Variants in FRY observed in about 807,000 individuals in gnomAD.
FRY encodes FRY microtubule binding protein.
FRY carries 128 observed loss-of-function variants against 348.4 expected under a neutral mutation model. The observed-to-expected ratio is 0.37, with a 90% CI of 0.32 to 0.43. The LOEUF (loss-of-function observed/expected upper bound fraction) is 0.43, where lower values mean the gene tolerates loss of function less well. Among genes scored for constraint, FRY ranks in the 20% least tolerant of loss-of-function variants. The probability of loss-of-function intolerance (pLI) is 1.00; values close to 1 mark genes in which losing one functional copy is unlikely to be tolerated. For synonymous variants in FRY, 1,370 were observed against 1,374.7 expected, an observed-to-expected ratio of 1.00 and a Z score of 0.08; for missense variants, 2,736 against 3,695.2, an observed-to-expected ratio of 0.74 and a Z score of 6.73.
intron 1 of FRY, among the ~76,000 whole-genome samples, chr13:32,053,291 T>C (rs1341808898): frequency 6.6e-6 from 1 of 152,136 alleles, no homozygotes; most frequent in East Asian, 1.9e-4. Flanking sequence ...ATGACATTCT[T>C]AGACTGGATT....
intron 13 of FRY, among the ~76,000 whole-genome samples, chr13:32,149,361 G>T (rs1880656623): frequency 6.6e-6 from 1 of 151,942 alleles, no homozygotes; most frequent in African/African-American, 2.4e-5. Flanking sequence ...TGATCATTTT[G>T]CAGTGATCTC....
intron 14 of FRY, 45 bp downstream of exon 14, chr13:32,149,879 G>C: frequency 8.5e-7 from 1 of 1,173,556 alleles, no homozygotes; most frequent in Non-Finnish European, 1.3e-6. Context: ...CATGTCTTCC[G>C]GAGCCATACC....
chr13:32,254,238 G>A lies in FRY; in HGVS notation c.7260G>A (p.Ser2420=), dbSNP rs199761069. 1.4e-4 allele frequency: 232 copies of A among 1,614,048 alleles called. 3 individuals are homozygous for A. The South Asian group carries it at 1.5e-3, about 10-fold the overall frequency. ...LSKNPSVIFS[S]CGDLDLLEHQ... Reference sequence around the variant, plus strand: ...TTGATTCGCAGGTGATTTTTTCATCGTGTGGGGATCTGGATCTGCTTGAGC... The same window carrying A: ...TTGATTCGCAGGTGATTTTTTCATCATGTGGGGATCTGGATCTGCTTGAGC... The change falls in exon 51 of 61, where the codon TCG becomes TCA. Residue 2420 remains serine (S), a synonymous_variant. Transcript: ENST00000542859.
chr13:32,247,747 G>C (rs1233416126), intron 48 of FRY, among the ~76,000 whole-genome samples: 2 of 152,102 alleles, frequency 1.3e-5, no homozygotes, highest in Non-Finnish European at 2.9e-5. Flanking sequence ...TTTAAAAAGA[G>C]GTATTTAAAA....
At chr13:32,129,093 T>A (rs1879199286) in intron 7 of FRY, among the ~76,000 whole-genome samples, 1 of 152,174 alleles carries the variant, frequency 6.6e-6, no homozygotes, top group Admixed American at 6.5e-5. Context: ...TCTCTACTCA[T>A]CTCCCAGTCA....
At chr13:32,242,884 T>C (rs1023695973) in intron 46 of FRY, among the ~76,000 whole-genome samples, 8 of 152,228 alleles carry the variant, frequency 5.3e-5, no homozygotes, top group African/African-American at 1.9e-4. Context: ...TTTCAACATT[T>C]AGTTGGATCA....
chr13:32,268,214 G>A (rs1260870294), intron 55 of FRY, among the ~76,000 whole-genome samples: 1 of 152,102 alleles, frequency 6.6e-6, no homozygotes, highest in East Asian at 1.9e-4. Context: ...GCATCTTTCT[G>A]TAAACTTTTG....
chr13:32,219,492 C>A (rs1456988492), intron 36 of FRY, among the ~76,000 whole-genome samples: 1 of 150,540 alleles, frequency 6.6e-6, no homozygotes, highest in Non-Finnish European at 1.5e-5. Flanking sequence ...GGCGCGGTGG[C>A]TCACGCCTGT....
intron 1 of FRY, among the ~76,000 whole-genome samples, chr13:32,074,439 T>C (rs1231480768): frequency 1.3e-5 from 2 of 152,150 alleles, no homozygotes; most frequent in African/African-American, 2.4e-5. Context: ...AAAGTAATGC[T>C]CTTCTCCTCC....
Position 32,274,786 on chromosome 13 carries a change from T to C in FRY, c.8137-56T>C, listed in dbSNP as rs185848540. 1,188 of 1,360,904 alleles carry C rather than the reference T, an allele frequency of 8.7e-4. 6 individuals carry two copies. The highest frequency in any genetic ancestry group is 1.1e-3 in the Non-Finnish European group (1,077 of 951,066). The allele number at this position is 1,360,904 out of a possible 1,614,324, so 84.3% of individuals were successfully genotyped here. A position where few individuals can be genotyped will look rare whatever the true frequency, so the allele number is the denominator to read the frequency against. ...AGCTACCCCTCCCCCAAAATATGTT[T>C]TATCATATATAAGTTTAACTTGACC... On this transcript the variant is annotated intron_variant, in intron 55 of 60. Coordinates refer to ENST00000542859, the MANE Select transcript of FRY (RefSeq NM_023037.3).
At chr13:32,148,449 G>A (rs541007468) in intron 13 of FRY, among the ~76,000 whole-genome samples, 10 of 152,306 alleles carry the variant, frequency 6.6e-5, no homozygotes, top group African/African-American at 2.4e-4. Context: ...AGTGCTTTGT[G>A]TATATTAATG....
At chr13:32,070,057 G>T (rs940750571) in intron 1 of FRY, among the ~76,000 whole-genome samples, 9 of 152,034 alleles carry the variant, frequency 5.9e-5, no homozygotes, top group Non-Finnish European at 8.8e-5. Flanking sequence ...CCTTTTTTGT[G>T]GCTGCATAGT....
rs766847063 is a variant in FRY at position 32,262,305 on chromosome 13, T to G, written c.7618-9T>G. 1.2e-6 allele frequency: 2 copies of G among 1,610,472 alleles called. No homozygotes were observed. Among genetic ancestry groups the G allele is most frequent in the Non-Finnish European group, 1.7e-6 (2 of 1,176,876 alleles). ...ATACTATGTTTAATTTCCTTTGCTT[T>G]TTAAACAGATCATGACTCTCTCCCC... On this transcript the variant is annotated splice_polypyrimidine_tract_variant and intron_variant, in intron 52 of 60. Coordinates refer to ENST00000542859, the MANE Select transcript of FRY (RefSeq NM_023037.3).
chr13:32,090,477 G>A (rs1289573179), intron 2 of FRY, among the ~76,000 whole-genome samples: 1 of 152,104 alleles, frequency 6.6e-6, no homozygotes, highest in African/African-American at 2.4e-5. Flanking sequence ...GGGAAGGGTG[G>A]AAGACAGGGG....
chr13:32,295,314 G>C lies in FRY; in HGVS notation c.8896G>C (p.Val2966Leu). 3 of 1,590,536 alleles carry C rather than the reference G, an allele frequency of 1.9e-6. No homozygotes were observed. The highest frequency in any genetic ancestry group is 2.6e-6 in the Non-Finnish European group (3 of 1,169,218). ...GGGACAGACGGGTACTTATGCCCTG[G>C]TGGGGTCTAACCAGAGCCTGACCGA... Reference protein sequence around the residue: ...TLGQTGTYALVGSNQSLTEIC... With the variant: ...TLGQTGTYALLGSNQSLTEIC... The change falls in exon 61 of 61, where the codon GTG becomes CTG. Residue 2966 changes from valine to leucine, a missense_variant. Transcript: ENST00000542859.
In FRY at chr13:32,060,378, TA is replaced by T. The variant is rs1873873435; in HGVS notation, c.71-18452del. Among the ~76,000 whole-genome samples the T allele has an allele frequency of 1.3e-5, 2 of 152,260 alleles. 1 individual carries two copies. The highest frequency in any genetic ancestry group is 4.1e-4 in the South Asian group (2 of 4,838). On this transcript the variant is annotated intron_variant, in intron 1 of 60. Transcript: ENST00000542859. ...ACAAGTCAGTTTAGGCTGTGTCTTT[TA>T]AAATCATGTAACTATAGATTTGAAT...
At chr13:32,035,819 A>G (rs1488886319) in intron 1 of FRY, among the ~76,000 whole-genome samples, 1 of 152,202 alleles carries the variant, frequency 6.6e-6, no homozygotes, top group African/African-American at 2.4e-5. Flanking sequence ...GAACTGAACA[A>G]TCTCTTTGCA....
intron 1 of FRY, among the ~76,000 whole-genome samples, chr13:32,067,341 C>G (rs1874325114): frequency 6.7e-6 from 1 of 150,296 alleles, no homozygotes; most frequent in East Asian, 1.9e-4. Context: ...ACAAGTCAGA[C>G]TTTCAGTTCG....
intron 10 of FRY, 65 bp from the exon 11 acceptor site, chr13:32,136,806 G>A: frequency 1.1e-6 from 1 of 944,934 alleles, no homozygotes; most frequent in Non-Finnish European, 1.8e-6. Flanking sequence ...TGGGTACAGA[G>A]AATGTATGTT....
Sources: allele counts gnomAD v4.1 joint callset (sites outside exome capture counted in the v4.1 genomes callset), GRCh38; gene constraint gnomAD v4.1.1; transcripts MANE v1.5; gene names NCBI Gene and HGNC (gene_info 2026-07-23, HGNC 2026-07-21).